Variants in RABGAP1L observed in about 807,000 individuals in gnomAD.
RABGAP1L encodes the protein RAB GTPase activating protein 1 like, also known as rab GTPase-activating protein 1-like.
Under a neutral mutation model 137.7 loss-of-function variants are expected in RABGAP1L, and 63 were observed. That is an observed-to-expected ratio of 0.46 (90% CI 0.37 to 0.56). The LOEUF is 0.56. RABGAP1L is among the 20% of genes least tolerant of loss of function. The pLI, the probability that RABGAP1L is intolerant of heterozygous loss-of-function variation, is 0.00. For missense variants in RABGAP1L, 1,095 were observed against 1,244.0 expected (o/e 0.88, Z 1.80); for synonymous variants, 431 against 433.7 (o/e 0.99, Z 0.08).
At chr1:174,225,400 C>G (rs1670089412) in intron 3 of RABGAP1L, among the ~76,000 whole-genome samples, 1 of 150,286 alleles carries the variant, frequency 6.7e-6, no homozygotes, top group African/African-American at 2.4e-5. Flanking sequence ...ATAGATCACC[C>G]TTTTATGTTT....
chr1:174,675,128 A>G (rs376298540), intron 14 of RABGAP1L, among the ~76,000 whole-genome samples: 1 of 152,092 alleles, frequency 6.6e-6, no homozygotes, highest in Non-Finnish European at 1.5e-5. Context: ...TTTTGTTGCC[A>G]TTGCTTTTGG....
chr1:174,697,530 G>C (rs932542584), intron 15 of RABGAP1L, among the ~76,000 whole-genome samples: 7 of 152,108 alleles, frequency 4.6e-5, no homozygotes, highest in Non-Finnish European at 8.8e-5. Context: ...TGTTGGCCAG[G>C]CTAGTCTCGA....
chr1:174,437,398 T>C (rs1653515751), intron 13 of RABGAP1L, among the ~76,000 whole-genome samples: 1 of 152,086 alleles, frequency 6.6e-6, no homozygotes, highest in South Asian at 2.1e-4. Flanking sequence ...CTGAAAACCA[T>C]GGCACGAGAG....
chr1:174,816,731 A>C (rs1690453713), intron 19 of RABGAP1L, among the ~76,000 whole-genome samples: 1 of 120,850 alleles, frequency 8.3e-6, no homozygotes, highest in South Asian at 3.2e-4. Context: ...CTAAGAAACA[A>C]GTCTTTTTTT....
chr1:174,684,097 G>A (rs761119901), intron 15 of RABGAP1L, among the ~76,000 whole-genome samples: 1 of 152,000 alleles, frequency 6.6e-6, no homozygotes, highest in Non-Finnish European at 1.5e-5. Flanking sequence ...TCCAGGATGG[G>A]GCACAGATAA....
At chr1:174,564,443 A>G (rs1572341409) in intron 13 of RABGAP1L, among the ~76,000 whole-genome samples, 1 of 152,200 alleles carries the variant, frequency 6.6e-6, no homozygotes, top group Non-Finnish European at 1.5e-5. Context: ...ACAGCAACCC[A>G]TAAGATACAA....
At chr1:174,380,881 A>T (rs1291713761) in intron 12 of RABGAP1L, among the ~76,000 whole-genome samples, 2 of 133,670 alleles carry the variant, frequency 1.5e-5, no homozygotes, top group Admixed American at 1.6e-4. Flanking sequence ...TTGTGATGTT[A>T]GGGTGTCAAT....
In RABGAP1L at chr1:174,995,087, A is replaced by G. The variant is rs1672287639; in HGVS notation, c.*5086A>G. 1 of 152,234 alleles carries G rather than the reference A, an allele frequency of 6.6e-6. No individual in the cohort carries two copies. The highest frequency in any genetic ancestry group is 1.5e-5 in the Non-Finnish European group (1 of 68,046). 9.4% of individuals were successfully genotyped at this position (152,234 alleles called of 1,614,324 possible). A position where few individuals can be genotyped will look rare whatever the true frequency, so the allele number is the denominator to read the frequency against. ...ATGTAATGCTTGTCTAAAAAGTGCA[A>G]TTTATTGTACATTGTCCCAACAAAT... is the stretch of plus-strand genomic sequence containing the variant. On this transcript the variant is annotated 3_prime_UTR_variant, in exon 26 of 26. Coordinates refer to ENST00000681986, the MANE Select transcript of RABGAP1L (RefSeq NM_001366446.1).
intron 13 of RABGAP1L, among the ~76,000 whole-genome samples, chr1:174,571,483 A>G (rs899050637): frequency 6.6e-6 from 1 of 152,308 alleles, no homozygotes; most frequent in Non-Finnish European, 1.5e-5. Flanking sequence ...CCAGTTTTCC[A>G]TGATGTAATT....
At chr1:174,919,385 G>A (rs1158845185) in intron 19 of RABGAP1L, among the ~76,000 whole-genome samples, 1 of 152,134 alleles carries the variant, frequency 6.6e-6, no homozygotes, top group African/African-American at 2.4e-5. Flanking sequence ...GGCTCAGCTG[G>A]GACCATTAAC....
chr1:174,687,520 C>A (rs1678566539), intron 15 of RABGAP1L, among the ~76,000 whole-genome samples: 1 of 152,116 alleles, frequency 6.6e-6, no homozygotes, highest in South Asian at 2.1e-4. Context: ...ACTGACCAAC[C>A]CATCCATTCA....
chr1:174,392,832 C>T (rs1349874037), intron 12 of RABGAP1L, among the ~76,000 whole-genome samples: 1 of 152,048 alleles, frequency 6.6e-6, no homozygotes, highest in East Asian at 1.9e-4. Flanking sequence ...GAAACCAGAG[C>T]CTGGGGTGTT....
intron 20 of RABGAP1L, among the ~76,000 whole-genome samples, chr1:174,959,637 A>G (rs1254236908): frequency 2.6e-5 from 4 of 152,184 alleles, no homozygotes; most frequent in African/African-American, 4.8e-5. Context: ...TCTTATTTAC[A>G]CATATCGGAT....
At chr1:174,607,633 A>C (rs544454879) in intron 13 of RABGAP1L, among the ~76,000 whole-genome samples, 1 of 152,176 alleles carries the variant, frequency 6.6e-6, no homozygotes, top group Non-Finnish European at 1.5e-5. Context: ...GGTTTACACT[A>C]TTCCAGTTTT....
chr1:174,305,181 A>C, intron 11 of RABGAP1L, 54 bp downstream of exon 11: 1 of 1,448,222 alleles, frequency 6.9e-7, no homozygotes, highest in East Asian at 2.7e-5. Flanking sequence ...CTTTACTTAC[A>C]ATCTTCAGAG....
rs542053737 is a variant in RABGAP1L, at chr1:174,519,090, T to TAC, written c.1711-118269_1711-118268dup. ...TAGAAAGACAGAACTAATATATATA[T>TAC]ACACACACACACACACATACACACA... On this transcript the variant is annotated intron_variant, in intron 13 of 25. Transcript: ENST00000681986. 1.1e-3 allele frequency among the ~76,000 whole-genome samples: 173 copies of TAC among 150,600 alleles called. 1 individual carries two copies. The highest frequency in any genetic ancestry group is 9.7e-3 in the East Asian group (50 of 5,132).
chr1:174,402,377 C>G (rs1164125055), intron 13 of RABGAP1L, among the ~76,000 whole-genome samples: 2 of 152,112 alleles, frequency 1.3e-5, no homozygotes, highest in Admixed American at 6.6e-5. Flanking sequence ...AATAAAAGCA[C>G]TATCTCATTT....
chr1:174,772,524 C>T (rs141155888), intron 18 of RABGAP1L, among the ~76,000 whole-genome samples: 12,985 of 143,472 alleles, frequency 0.091, 788 homozygotes, highest in East Asian at 0.22. Flanking sequence ...GCTGAGATCG[C>T]ACCACTGCAC....
At chr1:174,587,587 C>T (rs1248012027) in intron 13 of RABGAP1L, among the ~76,000 whole-genome samples, 2 of 151,968 alleles carry the variant, frequency 1.3e-5, no homozygotes, top group East Asian at 1.9e-4. Context: ...TAATCAGACA[C>T]TATAAAGGGA....
Sources: allele counts gnomAD v4.1 joint callset (sites outside exome capture counted in the v4.1 genomes callset), GRCh38; gene constraint gnomAD v4.1.1; transcripts MANE v1.5; gene names NCBI Gene and HGNC (gene_info 2026-07-23, HGNC 2026-07-21).